Variants in BRSK2 observed in about 807,000 individuals in gnomAD.
BRSK2 encodes the protein BR serine/threonine kinase 2, also known as serine/threonine-protein kinase BRSK2.
BRSK2 carries 19 observed loss-of-function variants against 83.3 expected under a neutral mutation model. That is an observed-to-expected ratio of 0.23 (90% CI 0.16 to 0.33). The LOEUF (loss-of-function observed/expected upper bound fraction) is 0.33, where lower values mean the gene tolerates loss of function less well. Among genes scored for constraint, BRSK2 ranks in the 10% least tolerant of loss-of-function variants. BRSK2 has a pLI of 1.00. For synonymous variants in BRSK2, 519 were observed against 435.4 expected (o/e 1.19, Z -2.39); for missense variants, 798 against 1,042.3 (o/e 0.77, Z 3.23).
rs1490049374 is a variant in BRSK2 at position 1,461,290 on chromosome 11, G to T, written c.*567G>T. On this transcript the variant is annotated 3_prime_UTR_variant, in exon 20 of 20. Transcript: ENST00000528841. ...CAACGTAGCCACAGGAACAGGCCCCGTCCACCGCCTCCACGCCGCACCTGG... is the reference window on the plus strand; with the variant it reads ...CAACGTAGCCACAGGAACAGGCCCCTTCCACCGCCTCCACGCCGCACCTGG... 1.0e-5 allele frequency: 5 copies of T among 480,670 alleles called. No individual in the cohort carries two copies. The highest frequency in any genetic ancestry group is 1.8e-5 in the Non-Finnish European group (5 of 271,808). The allele number at this position is 480,670 out of a possible 1,614,324, so 29.8% of individuals were successfully genotyped here. A position where few individuals can be genotyped will look rare whatever the true frequency, so the allele number is the denominator to read the frequency against.
At chr11:1,407,585 T>C (rs942848046) in intron 1 of BRSK2, among the ~76,000 whole-genome samples, 2 of 152,216 alleles carry the variant, frequency 1.3e-5, no homozygotes, top group African/African-American at 4.8e-5. Flanking sequence ...AGCCTGGTTC[T>C]AGCAGCTCTG....
intron 1 of BRSK2, among the ~76,000 whole-genome samples, chr11:1,425,642 G>A (rs904891270): frequency 3.9e-5 from 6 of 152,144 alleles, no homozygotes; most frequent in Non-Finnish European, 7.4e-5. Flanking sequence ...ATTCAGCACC[G>A]AGGTCAGCAG....
At chr11:1,435,261 G>C (rs12290531) in intron 1 of BRSK2, among the ~76,000 whole-genome samples, 1 of 29,848 alleles carries the variant, frequency 3.4e-5, no homozygotes, top group Non-Finnish European at 6.9e-5. Flanking sequence ...TGGGGGTCTC[G>C]GCGGAGGAGG....
At chr11:1,414,859 C>G (rs1847925642) in intron 1 of BRSK2, among the ~76,000 whole-genome samples, 1 of 152,220 alleles carries the variant, frequency 6.6e-6, no homozygotes, top group South Asian at 2.1e-4. Context: ...GCAGAATGTA[C>G]TCAGGGCCAT....
intron 1 of BRSK2, among the ~76,000 whole-genome samples, chr11:1,398,496 G>A (rs1002832052): frequency 2.0e-5 from 3 of 152,152 alleles, no homozygotes; most frequent in Non-Finnish European, 4.4e-5. Context: ...TACAGGGGGT[G>A]GAGAGGCAGC....
intron 2 of BRSK2, among the ~76,000 whole-genome samples, chr11:1,437,703 C>T (rs1478633098): frequency 6.6e-6 from 1 of 152,232 alleles, no homozygotes; most frequent in Non-Finnish European, 1.5e-5. Context: ...GTCCCGGCCC[C>T]TCCTCCTGTG....
At chr11:1,440,991 A>G in intron 4 of BRSK2, 63 bp downstream of exon 4, 1 of 1,406,488 alleles carries the variant, frequency 7.1e-7, no homozygotes, top group African/African-American at 1.7e-5. Flanking sequence ...GCGCTACCAC[A>G]GATGCCCCCT....
chr11:1,428,785 G>A (rs1390276627), intron 1 of BRSK2, among the ~76,000 whole-genome samples: 1 of 152,058 alleles, frequency 6.6e-6, no homozygotes, highest in African/African-American at 2.4e-5. Flanking sequence ...CACTGCGGGT[G>A]TGTGTGCATG....
At position 1,445,291 on chromosome 11, in the gene BRSK2, C is replaced by T; in HGVS notation, c.813-3C>T. 1 of 1,604,346 alleles carries T rather than the reference C, an allele frequency of 6.2e-7. No homozygotes were observed. The highest frequency in any genetic ancestry group is 8.5e-7 in the Non-Finnish European group (1 of 1,174,920). On this transcript the variant is annotated splice_region_variant and splice_polypyrimidine_tract_variant and intron_variant, in intron 9 of 19. Coordinates refer to ENST00000528841, the MANE Select transcript of BRSK2 (RefSeq NM_001256627.2). The stretch of plus-strand genomic sequence containing the variant: ...GAGCGGGTGGCCCGTCCTGTGTCCA[C>T]AGAGGGGGCAAGAATGAGCCCGAAC...
chr11:1,421,635 A>G (rs756763139), intron 1 of BRSK2, among the ~76,000 whole-genome samples: 4 of 152,058 alleles, frequency 2.6e-5, no homozygotes, highest in African/African-American at 4.8e-5. Context: ...TGTGGGATCT[A>G]TTGATGTTCT....
chr11:1,450,161 CTG>C (rs1464720024), intron 13 of BRSK2, among the ~76,000 whole-genome samples: 1 of 151,676 alleles, frequency 6.6e-6, no homozygotes, highest in African/African-American at 2.4e-5. Context: ...ATGCGGGGGA[CTG>C]GGGTGCATGT....
intron 1 of BRSK2, 67 bp from the exon 2 acceptor site, chr11:1,435,973 C>T (rs956820808): frequency 2.4e-6 from 3 of 1,263,520 alleles, no homozygotes; most frequent in African/African-American, 1.5e-5. Context: ...CCAACCTGCA[C>T]TGTCCGGCTG....
intron 12 of BRSK2, among the ~76,000 whole-genome samples, chr11:1,446,273 G>GTGGGCGGGGCTGGGCTGAGCTGGGC: frequency 6.9e-6 from 1 of 144,368 alleles, no homozygotes; most frequent in Non-Finnish European, 1.5e-5. Flanking sequence ...TTGAATTAGG[G>GTGGGCGGGGCTGGGCTGAGCTGGGC]TGGGCGGGGC....
intron 1 of BRSK2, among the ~76,000 whole-genome samples, chr11:1,424,608 G>A (rs1848988977): frequency 2.0e-5 from 3 of 152,218 alleles, no homozygotes; most frequent in Admixed American, 2.0e-4. Context: ...GGACGGGACA[G>A]CCACACACCT....
chr11:1,449,726 G>A (rs1421080923), intron 12 of BRSK2, 50 bp from the exon 13 acceptor site: 2 of 1,535,512 alleles, frequency 1.3e-6, no homozygotes, highest in Middle Eastern at 1.7e-4. Flanking sequence ...AGCACCTGCT[G>A]CTCCACTGCC....
At chr11:1,411,533 C>T (rs1474687392) in intron 1 of BRSK2, 4 of 1,547,494 alleles carry the variant, frequency 2.6e-6, no homozygotes, top group Non-Finnish European at 3.5e-6. Flanking sequence ...CCGCACATCA[C>T]AGAGTGCCAG....
intron 18 of BRSK2, among the ~76,000 whole-genome samples, chr11:1,458,086 A>C (rs1173480778): frequency 6.6e-6 from 1 of 152,128 alleles, no homozygotes; most frequent in Non-Finnish European, 1.5e-5. Flanking sequence ...CCAGGGAACG[A>C]CAGGGCAGCC....
rs996688452 is a variant in BRSK2 at position 1,445,773 on chromosome 11, T to C, written c.1092T>C (p.Arg364=). 1.2e-5 allele frequency: 19 copies of C among 1,612,058 alleles called. No individual in the cohort carries two copies. Among genetic ancestry groups the C allele is most frequent in the Non-Finnish European group, 1.5e-5 (18 of 1,179,416 alleles). Reference sequence around the variant, plus strand: ...TGTACTCAGACCCTCCCCGGAAGCGTGTGGACTCCCCGATGCTGAACCGGC... The same window carrying C: ...TGTACTCAGACCCTCCCCGGAAGCGCGTGGACTCCCCGATGCTGAACCGGC... ...PRNEIDPPRK[R]VDSPMLNRHG... Residue 364 remains arginine, a synonymous_variant, in exon 12 of 20, where the codon CGT becomes CGC. Transcript: ENST00000528841.
chr11:1,408,960 C>T (rs74648975), intron 1 of BRSK2, among the ~76,000 whole-genome samples: 24,315 of 142,442 alleles, frequency 0.17, 2,344 homozygotes, highest in Non-Finnish European at 0.21. Context: ...AGGTGTTTGC[C>T]TGTGCAGGTG....
Sources: gnomAD v4.1 joint callset for allele counts (sites outside exome capture counted in the v4.1 genomes callset) on GRCh38, gnomAD v4.1.1 for gene constraint, MANE v1.5 for transcripts, NCBI Gene and HGNC (gene_info 2026-07-23, HGNC 2026-07-21) for gene names.